The following NLRP2 variants were observed in gnomAD, a reference collection of about 807,000 sequenced individuals.
NLRP2 encodes the protein NACHT, LRR and PYD domains-containing protein 2.
NLRP2 carries 107 observed loss-of-function variants against 97.2 expected under a neutral mutation model. The observed-to-expected ratio is 1.10, with a 90% confidence interval of 0.94 to 1.29. NLRP2 has a LOEUF of 1.29. NLRP2 is among the 50% of genes most tolerant of loss of function. The pLI is 0.00. For synonymous variants in NLRP2, 663 were observed against 551.5 expected, an observed-to-expected ratio of 1.20 and a Z score of -2.83; for missense variants, 1,495 against 1,330.3, an observed-to-expected ratio of 1.12 and a Z score of -1.93.
chr19:54,973,994 A>G (rs568802718), intron 2 of NLRP2: 66 of 1,246,356 alleles, frequency 5.3e-5, no homozygotes, highest in Non-Finnish European at 7.6e-5. Context: ...GGCTAAAACT[A>G]CAAAGAAGAT....
At chr19:54,976,812 C>CTCT (rs1555768188) in intron 3 of NLRP2, 3 of 322,644 alleles carry the variant, frequency 9.3e-6, no homozygotes. Flanking sequence ...TGTTCTCTCT[C>CTCT]TTTTTTTTTT....
chr19:55,000,910 T>G lies in NLRP2; in HGVS notation c.*12T>G. The G allele has an allele frequency of 6.2e-7, 1 of 1,613,092 alleles. No homozygotes were observed. Among genetic ancestry groups the G allele is most frequent in the Non-Finnish European group, 8.5e-7 (1 of 1,179,394 alleles). ...ACTTCATGATCTGAATCCCCCCGAG[T>G]CATTCATTCTCCATGAAGTCATCGA... On this transcript the variant is annotated 3_prime_UTR_variant, in exon 13 of 13. Coordinates refer to ENST00000448584, the MANE Select transcript of NLRP2 (RefSeq NM_017852.5).
intron 11 of NLRP2, 41 bp from the exon 12 acceptor site, chr19:54,997,276 G>A (rs1406837833): frequency 6.2e-7 from 1 of 1,604,346 alleles, no homozygotes; most frequent in Non-Finnish European, 8.5e-7. Context: ...GCATCGATCA[G>A]CACTGGCTGC....
intron 2 of NLRP2, chr19:54,973,915 G>T (rs1483240343): frequency 2.8e-6 from 2 of 723,344 alleles, no homozygotes. Flanking sequence ...GGTATGCCCA[G>T]GGGAAGTAGT....
chr19:55,000,657 A>T (rs1602465261), intron 12 of NLRP2, 103 bp from the exon 13 acceptor site: 1 of 1,132,704 alleles, frequency 8.8e-7, no homozygotes, highest in Admixed American at 1.8e-5. Context: ...AGGAAAGGTG[A>T]CCCATGCCCT....
At chr19:54,966,630 C>T (rs1281181903) in intron 1 of NLRP2, among the ~76,000 whole-genome samples, 163 bp downstream of exon 1, 2 of 151,526 alleles carry the variant, frequency 1.3e-5, no homozygotes, top group Non-Finnish European at 2.9e-5. Context: ...ACTGCAAGCT[C>T]CGCCTCCCGG....
Position 54,998,905 on chromosome 19 carries a change from T to C in NLRP2, c.3050+1418T>C, listed in dbSNP as rs185257666. On this transcript the variant is annotated intron_variant, in intron 12 of 12. Transcript: ENST00000448584. ...TTGCACCGCCCTTAATCCGTTTAACTCTGAGTGGACACAGCACATGTTTCA... is the reference window on the plus strand; with the variant it reads ...TTGCACCGCCCTTAATCCGTTTAACCCTGAGTGGACACAGCACATGTTTCA... Among the ~76,000 whole-genome samples the C allele has an allele frequency of 3.5e-3, 524 of 151,748 alleles. 2 individuals are homozygous for C. The highest frequency in any genetic ancestry group is 5.8e-3 in the Non-Finnish European group (391 of 67,928).
chr19:54,977,646 A>G, intron 3 of NLRP2, 106 bp from the exon 4 acceptor site: 1 of 1,044,752 alleles, frequency 9.6e-7, no homozygotes. Context: ...CCTTTTTAGT[A>G]CCTAATCTAG....
At chr19:54,984,327 G>GTGTTT (rs2071880147) in intron 6 of NLRP2, among the ~76,000 whole-genome samples, 11 of 43,348 alleles carry the variant, frequency 2.5e-4, no homozygotes, top group African/African-American at 1.2e-3. Context: ...GTTTTTTTTT[G>GTGTTT]TGTTTTTTTT....
At chr19:54,974,191 T>C in intron 2 of NLRP2, 1 of 583,028 alleles carries the variant, frequency 1.7e-6, no homozygotes, top group South Asian at 1.7e-5. Flanking sequence ...CCATCTCTAC[T>C]AAAAATACAA....
At chr19:54,991,864 A>AAT (rs2072496532) in intron 10 of NLRP2, among the ~76,000 whole-genome samples, 1 of 151,370 alleles carries the variant, frequency 6.6e-6, no homozygotes. Flanking sequence ...AAAAAAAAAA[A>AAT]ATTGTATCTG....
At chr19:54,978,666 G>GGT (rs2071394162) in intron 4 of NLRP2, among the ~76,000 whole-genome samples, 2 of 151,722 alleles carry the variant, frequency 1.3e-5, no homozygotes, top group African/African-American at 4.8e-5. Flanking sequence ...TGGCCAACAT[G>GGT]GTGAAACCCA....
At chr19:54,965,906 A>T, upstream of NLRP2, 1 of 99,550 alleles carries the variant, frequency 1.0e-5, no homozygotes, top group Non-Finnish European at 2.1e-5. Context: ...ACAGAGCAAG[A>T]CTCCATTAAA....
chr19:54,967,953 C>G (rs2070580327), intron 1 of NLRP2, among the ~76,000 whole-genome samples: 1 of 137,248 alleles, frequency 7.3e-6, no homozygotes, highest in Non-Finnish European at 1.5e-5. Context: ...AAGTCTAGCT[C>G]TGTTTCCCAG....
intron 2 of NLRP2, chr19:54,974,137 C>G (rs1265881684): frequency 7.6e-6 from 5 of 656,908 alleles, no homozygotes; most frequent in East Asian, 3.3e-5. Context: ...GGGCGGATCA[C>G]AAGGTCAGGA....
rs1165226017 is a variant in NLRP2 at position 54,982,882 on chromosome 19, G to A, written c.1184G>A (p.Gly395Asp). The A allele has an allele frequency of 6.2e-6, 10 of 1,613,082 alleles. No individual in the cohort carries two copies. The highest frequency in any genetic ancestry group is 8.5e-6 in the Non-Finnish European group (10 of 1,179,986). Reference protein sequence around the residue: ...MRSNAALFQLGSAPAVCWIVC... With the variant: ...MRSNAALFQLDSAPAVCWIVC... ...AGCAACGCGGCCCTGTTCCAGCTGGGCTCGGCCCCCGCGGTGTGCTGGATC... is the reference window on the plus strand; with the variant it reads ...AGCAACGCGGCCCTGTTCCAGCTGGACTCGGCCCCCGCGGTGTGCTGGATC... Residue 395 changes from glycine (G) to aspartate (D), a missense_variant, in exon 6 of 13, where the codon GGC (glycine) becomes GAC (aspartate). Gly to Asp is a moderately conservative substitution (Grantham distance 94). Transcript: ENST00000448584.
chr19:54,978,497 A>G (rs1343566842), intron 4 of NLRP2, among the ~76,000 whole-genome samples: 1 of 151,954 alleles, frequency 6.6e-6, no homozygotes, highest in Non-Finnish European at 1.5e-5. Flanking sequence ...CCCACCCCCA[A>G]GTCTCCCGAA....
At chr19:54,971,283 C>T (rs946046113) in intron 2 of NLRP2, among the ~76,000 whole-genome samples, 14 of 149,518 alleles carry the variant, frequency 9.4e-5, no homozygotes, top group African/African-American at 1.9e-4. Flanking sequence ...AATAAACATA[C>T]GTGTGCATGT....
At chr19:54,996,021 CAGTG>C (rs1484335731) in intron 11 of NLRP2, among the ~76,000 whole-genome samples, 1 of 121,754 alleles carries the variant, frequency 8.2e-6, no homozygotes, top group African/African-American at 3.2e-5. Context: ...GCCTGGGTGA[CAGTG>C]AGATCCTGTC....
Sources: gnomAD v4.1 joint callset for allele counts (sites outside exome capture counted in the v4.1 genomes callset) on GRCh38, gnomAD v4.1.1 for gene constraint, MANE v1.5 for transcripts, NCBI Gene and HGNC (gene_info 2026-07-23, HGNC 2026-07-21) for gene names.